ACTL6A: variants seen among roughly 807,000 people sequenced by gnomAD.
ACTL6A encodes the protein actin like 6A, also known as actin-like protein 6A.
A neutral mutation model predicts 59.2 loss-of-function variants in ACTL6A; 5 were observed. The observed-to-expected ratio is 0.08, with a 90% CI of 0.04 to 0.18. ACTL6A has a LOEUF of 0.18. ACTL6A is among the 10% of genes least tolerant of loss of function. ACTL6A has a pLI of 1.00. For missense variants in ACTL6A, 285 were observed against 526.9 expected (o/e 0.54, Z 4.49); for synonymous variants, 154 against 171.8 (o/e 0.90, Z 0.81).
intron 8 of ACTL6A, among the ~76,000 whole-genome samples, chr3:179,579,348 T>C (rs1718262554): frequency 6.6e-6 from 1 of 152,154 alleles, no homozygotes; most frequent in African/African-American, 2.4e-5. Context: ...TAGAAATTAA[T>C]GTGTATCCAG....
At chr3:179,564,603 A>G (rs948419058) in intron 1 of ACTL6A, among the ~76,000 whole-genome samples, 1 of 152,218 alleles carries the variant, frequency 6.6e-6, no homozygotes, top group African/African-American at 2.4e-5. Flanking sequence ...CCCATCCTGG[A>G]AAAGGAACAG....
intron 1 of ACTL6A, among the ~76,000 whole-genome samples, chr3:179,569,408 G>A (rs1163104454): frequency 6.6e-6 from 1 of 152,146 alleles, no homozygotes; most frequent in Non-Finnish European, 1.5e-5. Context: ...CCTTTAATAA[G>A]TAAACTGAAA....
intron 1 of ACTL6A, among the ~76,000 whole-genome samples, chr3:179,568,714 T>G (rs1717913994): frequency 6.6e-6 from 1 of 152,218 alleles, no homozygotes. Context: ...TATTATTGCT[T>G]ATCTATTTCC....
chr3:179,580,614 T>TTGTTACTTTTTTCTTTTACTCA, intron 8 of ACTL6A, 26 bp from the exon 9 acceptor site: 1 of 1,523,540 alleles, frequency 6.6e-7, no homozygotes, highest in Non-Finnish European at 9.0e-7. Flanking sequence ...TCAACCTTGT[T>TTGTTACTTTTTTCTTTTACTCA]TGTTACTTTT....
rs1351809793 is a variant in ACTL6A at position 179,580,915 on chromosome 3, T to C, written c.852T>C (p.Thr284=). 1 of 1,586,840 alleles carries C rather than the reference T, an allele frequency of 6.3e-7. No individual in the cohort carries two copies. Among genetic ancestry groups the C allele is most frequent in the Admixed American group, 2.0e-5 (1 of 49,682 alleles). ...TCAGAGTGGCTGCACAGATGCCAAC[T>C]GTTCATTATGAATTCCCCAATGGCT... The part of the protein sequence containing the change: ...YDEQVAAQMP[T]VHYEFPNGYN... Residue 284 remains threonine (T), a synonymous_variant, in exon 10 of 14, where the codon ACT becomes ACC. Coordinates refer to ENST00000429709, the MANE Select transcript of ACTL6A (RefSeq NM_004301.5).
intron 13 of ACTL6A, among the ~76,000 whole-genome samples, chr3:179,587,177 A>C (rs1005307425): frequency 6.6e-6 from 1 of 152,042 alleles, no homozygotes; most frequent in Non-Finnish European, 1.5e-5. Flanking sequence ...ACTTATATCT[A>C]TACTGTATAT....
intron 1 of ACTL6A, among the ~76,000 whole-genome samples, chr3:179,565,668 A>G (rs552276678): frequency 6.6e-6 from 1 of 152,186 alleles, no homozygotes; most frequent in South Asian, 2.1e-4. Context: ...TGGTGCGTTC[A>G]GGAGATGACA....
At chr3:179,574,736 C>T (rs928177682) in intron 5 of ACTL6A, 3 of 284,506 alleles carry the variant, frequency 1.1e-5, no homozygotes, top group African/African-American at 6.6e-5. Flanking sequence ...GGATAGAAGG[C>T]AATGTTTTAA....
At chr3:179,587,545 TG>T (rs1718541671) in intron 13 of ACTL6A, among the ~76,000 whole-genome samples, 1 of 152,068 alleles carries the variant, frequency 6.6e-6, no homozygotes, top group Non-Finnish European at 1.5e-5. Context: ...GACTCTTAAA[TG>T]AATTATTCAA....
chr3:179,580,790 C>T, intron 9 of ACTL6A, 89 bp downstream of exon 9: 1 of 1,340,494 alleles, frequency 7.5e-7, no homozygotes, highest in African/African-American at 1.6e-5. Context: ...AAAATATTCT[C>T]ACTCCCTTTT....
Position 179,580,916 on chromosome 3 carries a change from G to A in ACTL6A, c.853G>A (p.Val285Ile). 2 of 1,586,874 alleles carry A rather than the reference G, an allele frequency of 1.3e-6. No homozygotes were observed. Among genetic ancestry groups the A allele is most frequent in the South Asian group, 2.4e-5 (2 of 84,858 alleles). Residue 285 changes from valine to isoleucine, a missense_variant, in exon 10 of 14, where the codon GTT (valine) becomes ATT (isoleucine). Transcript: ENST00000429709. ...CAGAGTGGCTGCACAGATGCCAACT[G>A]TTCATTATGAATTCCCCAATGGCTA... The part of the protein sequence containing the change: ...DEQVAAQMPT[V>I]HYEFPNGYNC...
intron 3 of ACTL6A, 63 bp from the exon 4 acceptor site, chr3:179,573,306 C>T: frequency 2.7e-6 from 3 of 1,123,722 alleles, no homozygotes; most frequent in Non-Finnish European, 3.8e-6. Context: ...AACAATTTCT[C>T]AAAAGATGCT....
intron 5 of ACTL6A, chr3:179,574,899 C>T (rs1386735984): frequency 5.7e-6 from 1 of 176,136 alleles, no homozygotes; most frequent in Non-Finnish European, 1.2e-5. Context: ...TTGCTTCTCT[C>T]TGTCCTACTG....
chr3:179,563,117 GGTGA>G lies in ACTL6A; in HGVS notation c.25+8_25+11del, dbSNP rs1717714142. The G allele has an allele frequency of 1.2e-6, 2 of 1,612,476 alleles. No homozygotes were observed. Among genetic ancestry groups the G allele is most frequent in the Middle Eastern group, 1.7e-4 (1 of 6,052 alleles). On this transcript the variant is annotated splice_donor_variant and splice_donor_region_variant and intron_variant, in intron 1 of 13. Transcript: ENST00000429709. LOFTEE classifies it high-confidence loss of function. ...CATGAGCGGCGGCGTGTACGGGGGA[GGTGA>G]GTGAGTGCGGCCGGACGAGAGAGCG...
rs891727784 is a variant in ACTL6A, at chr3:179,566,101, A to C, written c.25+2984A>C. On this transcript the variant is annotated intron_variant, in intron 1 of 13. Transcript: ENST00000429709. ...TTTTTGCCAGTGTGGACTGGTGGTCAGCAATGTGTTAGGCAATGCTGAGAT... is the reference window on the plus strand; with the variant it reads ...TTTTTGCCAGTGTGGACTGGTGGTCCGCAATGTGTTAGGCAATGCTGAGAT... Among the ~76,000 whole-genome samples the C allele has an allele frequency of 3.9e-5, 6 of 152,224 alleles. 1 individual carries two copies. Among genetic ancestry groups the C allele is most frequent in the East Asian group, 1.9e-4 (1 of 5,170 alleles).
intron 1 of ACTL6A, among the ~76,000 whole-genome samples, chr3:179,563,635 A>C (rs1463955209): frequency 6.6e-6 from 1 of 152,174 alleles, no homozygotes; most frequent in Non-Finnish European, 1.5e-5. Flanking sequence ...AGCGGCGGCC[A>C]CTTAGGGTAC....
At chr3:179,587,866 A>ATTT (rs200172529) in intron 13 of ACTL6A, 64 bp from the exon 14 acceptor site, 3 of 1,354,362 alleles carry the variant, frequency 2.2e-6, no homozygotes, top group Non-Finnish European at 2.0e-6. Flanking sequence ...AAAAAAAAAA[A>ATTT]TTTTTTAAGC....
At chr3:179,576,776 C>A (rs1560012398) in intron 7 of ACTL6A, 48 bp from the exon 8 acceptor site, 1 of 1,607,040 alleles carries the variant, frequency 6.2e-7, no homozygotes. Context: ...AGCTCCCCCA[C>A]CCCTATGAAG....
chr3:179,587,965 A>C lies in ACTL6A; in HGVS notation c.1245A>C (p.Glu415Asp). The C allele has an allele frequency of 6.2e-7, 1 of 1,607,442 alleles. No individual in the cohort carries two copies. ...TFQQMWISKQEYEEGGKQCVE... is the reference protein window; with the variant it reads ...TFQQMWISKQDYEEGGKQCVE... ...AACAGATGTGGATTTCCAAGCAAGAATATGAAGAAGGAGGGAAGCAGTGTG... is the reference window on the plus strand; with the variant it reads ...AACAGATGTGGATTTCCAAGCAAGACTATGAAGAAGGAGGGAAGCAGTGTG... The change falls in exon 14 of 14, where the codon GAA becomes GAC. Residue 415 changes from glutamate to aspartate, a missense_variant. Coordinates refer to ENST00000429709, the MANE Select transcript of ACTL6A (RefSeq NM_004301.5).
Sources: gnomAD v4.1 joint callset for allele counts (sites outside exome capture counted in the v4.1 genomes callset) on GRCh38, gnomAD v4.1.1 for gene constraint, MANE v1.5 for transcripts, NCBI Gene and HGNC (gene_info 2026-07-23, HGNC 2026-07-21) for gene names.